TET3: variants seen among roughly 807,000 people sequenced by gnomAD.
TET3 encodes tet methylcytosine dioxygenase 3.
A neutral mutation model predicts 141.4 loss-of-function variants in TET3; 19 were observed. The ratio of observed to expected loss-of-function variants is 0.13; its 90% confidence interval spans 0.09 to 0.20. The LOEUF is 0.20. TET3 is among the 10% of genes least tolerant of loss of function. The pLI is 1.00. For missense variants in TET3, 1,874 were observed against 2,356.9 expected, an observed-to-expected ratio of 0.80 and a Z score of 4.24; for synonymous variants, 1,043 against 980.9, an observed-to-expected ratio of 1.06 and a Z score of -1.18.
At position 74,100,517 on chromosome 2, in the gene TET3, G is replaced by T; in HGVS notation, c.3729G>T (p.Leu1243=). The T allele has an allele frequency of 6.2e-7, 1 of 1,608,694 alleles. No homozygotes were observed. The highest frequency in any genetic ancestry group is 1.1e-5 in the South Asian group (1 of 89,814). The change falls in exon 12 of 12, where the codon CTG becomes CTT. Residue 1243 remains leucine, a synonymous_variant. Coordinates refer to ENST00000409262, the MANE Select transcript of TET3 (RefSeq NM_001287491.2). ...GNAVVESYSV[L]GNCRPSDPYS... is the part of the protein sequence containing the mutation. The stretch of plus-strand genomic sequence containing the variant: ...CGGTGGTGGAGAGCTACTCGGTGCT[G>T]GGCAACTGCCGGCCCTCCGACCCTT...
chr2:74,127,133 T>A, the TET3 span, among the ~76,000 whole-genome samples: 1 of 152,332 alleles, frequency 6.6e-6, no homozygotes, highest in South Asian at 2.1e-4. Flanking sequence ...ACATTCATTA[T>A]TGGCTCATCT....
intron 4 of TET3, among the ~76,000 whole-genome samples, chr2:74,057,190 T>C (rs1688264891): frequency 6.6e-6 from 1 of 152,200 alleles, no homozygotes; most frequent in Non-Finnish European, 1.5e-5. Context: ...TCCTGCCAAC[T>C]GTGGGGCTTT....
intron 4 of TET3, among the ~76,000 whole-genome samples, chr2:74,049,618 C>T (rs1328627409): frequency 6.6e-6 from 1 of 152,162 alleles, no homozygotes; most frequent in Admixed American, 6.5e-5. Flanking sequence ...TTTTGTGATA[C>T]ACAGACGGGT....
the TET3 span, among the ~76,000 whole-genome samples, chr2:74,119,662 G>C: frequency 6.6e-6 from 1 of 152,154 alleles, no homozygotes. Flanking sequence ...CTTTAAGACT[G>C]TGTGAATAAC....
intron 5 of TET3, among the ~76,000 whole-genome samples, chr2:74,075,684 T>C (rs1430942455): frequency 2.6e-5 from 4 of 152,198 alleles, no homozygotes; most frequent in Non-Finnish European, 5.9e-5. Context: ...GCTGAATGAC[T>C]ATAACAGCTT....
At chr2:74,022,886 A>G (rs1490510421) in intron 3 of TET3, among the ~76,000 whole-genome samples, 1 of 151,900 alleles carries the variant, frequency 6.6e-6, no homozygotes, top group Non-Finnish European at 1.5e-5. Context: ...AGCGATTCTC[A>G]TGCCTCAGCC....
Position 74,016,788 on chromosome 2 carries a change from C to CTTTT in TET3, c.360+13636_360+13639dup, listed in dbSNP as rs1157485325. On this transcript the variant is annotated intron_variant, in intron 3 of 11. Transcript: ENST00000409262. ...AATAAAAATGTATAGGTTCTCCTGT[C>CTTTT]TTTTTTTTTTTTTTTTTGCTTTTAC... 7.3e-5 allele frequency among the ~76,000 whole-genome samples: 9 copies of CTTTT among 122,478 alleles called. 1 individual carries two copies. The highest frequency in any genetic ancestry group is 2.4e-4 in the African/African-American group (8 of 33,530). 80.4% of individuals were successfully genotyped at this position (122,478 alleles called of 152,430 possible).
intron 8 of TET3, 23 bp downstream of exon 8, chr2:74,090,070 C>G: frequency 2.5e-6 from 4 of 1,610,956 alleles, no homozygotes; most frequent in Non-Finnish European, 3.4e-6. Context: ...GGGCGGGGAC[C>G]CTGCCTCCCA....
intron 3 of TET3, among the ~76,000 whole-genome samples, chr2:74,019,898 A>G (rs896793788): frequency 6.6e-6 from 1 of 152,156 alleles, no homozygotes; most frequent in Non-Finnish European, 1.5e-5. Flanking sequence ...ATTAGTGCTA[A>G]CTAGTTGGGA....
chr2:74,046,895 A>C lies in TET3; in HGVS notation c.978A>C (p.Ser326=). ...PAPSTRPLLS[S]EVPQISPQEG... is the part of the protein sequence containing the mutation. ...CAAGCACCAGGCCACTCCTCAGCTC[A>C]GAGGTGCCCCAGATCTCTCCCCAAG... Residue 326 remains serine, a synonymous_variant, in exon 4 of 12, where the codon TCA becomes TCC. Transcript: ENST00000409262. This position sits in a 1 kb window ranked among gnomAD's most constrained non-coding sequence, Gnocchi z 4.3. 1 of 1,613,796 alleles carries C rather than the reference A, an allele frequency of 6.2e-7. No homozygotes were observed. Among genetic ancestry groups the C allele is most frequent in the Non-Finnish European group, 8.5e-7 (1 of 1,179,854 alleles).
intron 3 of TET3, among the ~76,000 whole-genome samples, chr2:74,030,917 G>A (rs1686645408): frequency 6.6e-6 from 1 of 152,204 alleles, no homozygotes; most frequent in African/African-American, 2.4e-5. Context: ...AGAGGGGATG[G>A]AAGGGTTTAG....
the TET3 span, chr2:74,122,445 T>C: frequency 1.5e-5 from 2 of 133,668 alleles, no homozygotes; most frequent in Non-Finnish European, 3.1e-5. Flanking sequence ...ATTTTGATAG[T>C]GAAATATATA....
chr2:74,083,711 A>C (rs1453937238), intron 6 of TET3, among the ~76,000 whole-genome samples: 1 of 151,684 alleles, frequency 6.6e-6, no homozygotes, highest in Non-Finnish European at 1.5e-5. Flanking sequence ...TTTTTAGTGC[A>C]CCCAGGGGCC....
At chr2:74,059,865 G>T (rs1403012613) in intron 4 of TET3, among the ~76,000 whole-genome samples, 2 of 152,098 alleles carry the variant, frequency 1.3e-5, no homozygotes, top group Non-Finnish European at 2.9e-5. Flanking sequence ...CTGCCCCGTC[G>T]TTCATTCTCA....
At chr2:74,116,704 A>C in the TET3 span, among the ~76,000 whole-genome samples, 3 of 152,062 alleles carry the variant, frequency 2.0e-5, no homozygotes, top group African/African-American at 7.2e-5. Context: ...AAAAAAAAAA[A>C]AAACACTGTG....
chr2:74,026,462 A>AGAGG (rs1331568727), intron 3 of TET3, among the ~76,000 whole-genome samples: 1 of 152,176 alleles, frequency 6.6e-6, no homozygotes, highest in Non-Finnish European at 1.5e-5. Flanking sequence ...AGGGTGAGCC[A>AGAGG]GAGGGAGCAG....
In TET3 at chr2:74,065,600, T is replaced by TTCCG. The variant is rs112413159; in HGVS notation, c.2495-7929_2495-7926dup. 5.2e-4 allele frequency among the ~76,000 whole-genome samples: 68 copies of TTCCG among 130,948 alleles called. 1 individual carries two copies. The Middle Eastern group carries it at 0.019, about 36-fold the overall frequency. The allele number at this position is 130,948 out of a possible 152,430, so 85.9% of individuals were successfully genotyped here. A position where few individuals can be genotyped will look rare whatever the true frequency, so the allele number is the denominator to read the frequency against. On this transcript the variant is annotated intron_variant, in intron 4 of 11. Coordinates refer to ENST00000409262, the MANE Select transcript of TET3 (RefSeq NM_001287491.2). ...GGTCACCTGGTTCGTCCGTCCTTCC[T>TTCCG]TCCGTCCGTCCGTCCGTCCGTCCTT...
the TET3 span, among the ~76,000 whole-genome samples, chr2:74,116,706 AAC>A: frequency 2.0e-5 from 3 of 151,050 alleles, no homozygotes; most frequent in South Asian, 2.1e-4. Flanking sequence ...AAAAAAAAAA[AAC>A]ACTGTGTACC....
rs530217244 is a variant in TET3 at position 73,999,992 on chromosome 2, G to C, written c.304-3118G>C. ...TGTAGCCGAGGGCTGCTGGAAGGCAGGGTGGGGACCTGTGTTTGGGGTAGG... is the reference window on the plus strand; with the variant it reads ...TGTAGCCGAGGGCTGCTGGAAGGCACGGTGGGGACCTGTGTTTGGGGTAGG... On this transcript the variant is annotated intron_variant, in intron 2 of 11. Coordinates refer to ENST00000409262, the MANE Select transcript of TET3 (RefSeq NM_001287491.2). Among the ~76,000 whole-genome samples the C allele has an allele frequency of 3.9e-5, 6 of 152,300 alleles. No homozygotes were observed. In the South Asian group the frequency reaches 8.3e-4, roughly 21 times the overall value.
Sources: gnomAD v4.1 joint callset for allele counts (sites outside exome capture counted in the v4.1 genomes callset) on GRCh38, gnomAD v4.1.1 for gene constraint, Gnocchi (gnomAD v3.1) non-coding constraint, MANE v1.5 for transcripts, NCBI Gene and HGNC (gene_info 2026-07-23, HGNC 2026-07-21) for gene names.